ADAMTS10: variants seen among roughly 807,000 people sequenced by gnomAD.
ADAMTS10 encodes ADAM metallopeptidase with thrombospondin type 1 motif 10.
A neutral mutation model predicts 135.9 loss-of-function variants in ADAMTS10; 48 were observed. The ratio of observed to expected loss-of-function variants is 0.35; its 90% CI spans 0.28 to 0.45. The LOEUF (loss-of-function observed/expected upper bound fraction) is 0.45, where lower values mean the gene tolerates loss of function less well. Among genes scored for constraint, ADAMTS10 ranks in the 20% least tolerant of loss-of-function variants. ADAMTS10 has a pLI of 1.00. For missense variants in ADAMTS10, 1,131 were observed against 1,565.2 expected (o/e 0.72, Z 4.68); for synonymous variants, 621 against 647.5 (o/e 0.96, Z 0.62).
At chr19:8,592,564 G>A (rs1394365073) in intron 13 of ADAMTS10, among the ~76,000 whole-genome samples, 199 bp downstream of exon 13, 1 of 151,672 alleles carries the variant, frequency 6.6e-6, no homozygotes, top group East Asian at 1.9e-4. Flanking sequence ...CAGAACCAAG[G>A]GACGCATAGA....
chr19:8,580,854 G>A lies in ADAMTS10; in HGVS notation c.*39C>T, dbSNP rs1054859735. 6.6e-7 allele frequency: 1 copy of A among 1,517,204 alleles called. No individual in the cohort carries two copies. Among genetic ancestry groups the A allele is most frequent in the African/African-American group, 1.4e-5 (1 of 72,566 alleles). 94.0% of individuals were successfully genotyped at this position (1,517,204 alleles called of 1,614,324 possible). On this transcript the variant is annotated 3_prime_UTR_variant, in exon 26 of 26. Transcript: ENST00000597188. ...CCGGCCCGCTGCAGGGCTGGCGGCG[G>A]AGACCCCGCCAGCTGTGGCTCCGGG...
At chr19:8,604,056 A>C (rs1181065213) in intron 4 of ADAMTS10, among the ~76,000 whole-genome samples, 172 bp from the exon 5 acceptor site, 2 of 118,520 alleles carry the variant, frequency 1.7e-5, no homozygotes, top group Admixed American at 8.2e-5. Context: ...TTATTTATTT[A>C]TTTCTTCTTT....
chr19:8,586,286 C>G (rs1555737136), intron 21 of ADAMTS10, 35 bp from the exon 22 acceptor site: 2 of 1,613,252 alleles, frequency 1.2e-6, no homozygotes. Context: ...CTCAGCCCCT[C>G]CCGGCCCAGA....
chr19:8,597,463 TTG>T (rs2042618917), intron 6 of ADAMTS10, 146 bp from the exon 7 acceptor site: 5 of 733,734 alleles, frequency 6.8e-6, no homozygotes, highest in Non-Finnish European at 9.5e-6. Flanking sequence ...GGGTTTTTTG[TTG>T]CTGTTGTTGT....
intron 25 of ADAMTS10, chr19:8,582,792 G>C (rs1252642945): frequency 6.6e-6 from 1 of 152,068 alleles, no homozygotes; most frequent in Non-Finnish European, 1.5e-5. Context: ...TGGGATTACA[G>C]GCACATGCCA....
chr19:8,595,655 T>G, intron 12 of ADAMTS10, 107 bp downstream of exon 12: 59 of 1,528,040 alleles, frequency 3.9e-5, no homozygotes, highest in Non-Finnish European at 4.6e-5. Context: ...CCCTTCCCGG[T>G]TCTCCCACCC....
chr19:8,592,018 T>C lies in ADAMTS10; in HGVS notation c.1673A>G (p.Asp558Gly). 6.2e-7 allele frequency: 1 copy of C among 1,613,670 alleles called. No homozygotes were observed. The highest frequency in any genetic ancestry group is 8.5e-7 in the Non-Finnish European group (1 of 1,179,838). Residue 558 changes from aspartate (D) to glycine (G), a missense_variant, in exon 14 of 26, where the codon GAC becomes GGC. Around this residue, in one of 3 missense-constraint regions of ADAMTS10, gnomAD observed 745 missense variants for 1,056.3 expected, o/e 0.71. Transcript: ENST00000597188. ...GAWGPWTPWG[D>G]CSRTCGGGVS... is the part of the protein sequence containing the mutation. ...GCCGCCGCCACAGGTCCGGCTGCAG[T>C]CGCCCCATGGAGTCCACGGCCCCCA... is the stretch of plus-strand genomic sequence containing the variant.
intron 16 of ADAMTS10, 125 bp from the exon 17 acceptor site, chr19:8,589,710 G>A: frequency 6.6e-7 from 1 of 1,506,942 alleles, no homozygotes; most frequent in South Asian, 1.2e-5. Flanking sequence ...TTGGGCAGAG[G>A]GAGTGGGGGC....
At position 8,596,609 on chromosome 19, in the gene ADAMTS10, G is replaced by A. The variant is rs782666622; in HGVS notation, c.1041-24C>T. ...AGCTGTAAAAGGAGACAGGGTCAGT[G>A]AGGGGGCTGGGCTGTCTCCCTAAGC... is the stretch of plus-strand genomic sequence containing the variant. On this transcript the variant is annotated intron_variant, in intron 8 of 25. Coordinates refer to ENST00000597188, the MANE Select transcript of ADAMTS10 (RefSeq NM_030957.4). The surrounding 1 kb of genome is among the most constrained non-coding windows in gnomAD (Gnocchi z 7.2). 87 of 1,611,694 alleles carry A rather than the reference G, an allele frequency of 5.4e-5. 1 individual carries two copies. The Admixed American group carries it at 1.4e-3, about 27-fold the overall frequency.
chr19:8,580,684 G>A lies in ADAMTS10; in HGVS notation c.*209C>T, dbSNP rs1471058531. 34 of 564,638 alleles carry A rather than the reference G, an allele frequency of 6.0e-5. No homozygotes were observed. Among genetic ancestry groups the A allele is most frequent in the East Asian group, 3.0e-5 (1 of 33,350 alleles). 35.0% of individuals were successfully genotyped at this position (564,638 alleles called of 1,614,324 possible). A position where few individuals can be genotyped will look rare whatever the true frequency, so the allele number is the denominator to read the frequency against. On this transcript the variant is annotated 3_prime_UTR_variant, in exon 26 of 26. Transcript: ENST00000597188. The stretch of plus-strand genomic sequence containing the variant: ...GGGTCTCACTATGTGAACTGGAAGG[G>A]GCGGATGCTGAAGAGGGGCTCTGGG...
intron 22 of ADAMTS10, 32 bp downstream of exon 22, chr19:8,586,090 C>A: frequency 3.1e-6 from 5 of 1,612,016 alleles, no homozygotes; most frequent in Non-Finnish European, 4.2e-6. Context: ...CTCCTCTCAC[C>A]CTGAGCAACA....
Position 8,601,107 on chromosome 19 carries a change from T to C in ADAMTS10, c.631A>G (p.Thr211Ala). ...PWKGRPWWLRTLKPPPARPLG... is the reference protein window; with the variant it reads ...PWKGRPWWLRALKPPPARPLG... ...GGCCTGGCAGGCGGTGGCTTCAAGG[T>C]CCGCAGCCACCATGGCCGCCCTTTC... Residue 211 changes from threonine to alanine, a missense_variant, in exon 6 of 26, where the codon ACC becomes GCC. Thr to Ala is a moderately conservative substitution (Grantham distance 58). This residue lies in a region of ADAMTS10 where 306 missense variants were observed against 344.4 expected (regional missense o/e 0.89). Coordinates refer to ENST00000597188, the MANE Select transcript of ADAMTS10 (RefSeq NM_030957.4). This position sits in a 1 kb window ranked among gnomAD's most constrained non-coding sequence, Gnocchi z 4.6. 1 of 1,613,942 alleles carries C rather than the reference T, an allele frequency of 6.2e-7. No individual in the cohort carries two copies. The highest frequency in any genetic ancestry group is 8.5e-7 in the Non-Finnish European group (1 of 1,180,024).
Position 8,591,979 on chromosome 19 carries a change from C to G in ADAMTS10, c.1712G>C (p.Ser571Thr), listed in dbSNP as rs1191762524. 3 of 1,613,452 alleles carry G rather than the reference C, an allele frequency of 1.9e-6. No individual in the cohort carries two copies. Among genetic ancestry groups the G allele is most frequent in the Non-Finnish European group, 2.5e-6 (3 of 1,179,792 alleles). The change falls in exon 14 of 26, where the codon AGC becomes ACC. Residue 571 changes from serine to threonine, a missense_variant. Physicochemically the swap from Ser to Thr is moderately conservative, Grantham distance 58 (BLOSUM62 1). Around this residue, in one of 3 missense-constraint regions of ADAMTS10, gnomAD observed 745 missense variants for 1,056.3 expected, o/e 0.71. Transcript: ENST00000597188. ...TGACCTGGGGCTGTCGCAGTGACGGCTAGAAGAGGACACGCCGCCGCCACA... is the reference window on the plus strand; with the variant it reads ...TGACCTGGGGCTGTCGCAGTGACGGGTAGAAGAGGACACGCCGCCGCCACA... ...RTCGGGVSSS[S>T]RHCDSPRPTI...
rs2042715894 is a variant in ADAMTS10, at chr19:8,605,776, C to T, written c.-66G>A. The T allele has an allele frequency of 6.5e-7, 1 of 1,548,076 alleles. No homozygotes were observed. Among genetic ancestry groups the T allele is most frequent in the Non-Finnish European group, 8.7e-7 (1 of 1,151,008 alleles). ...CCGGCAGCCCCCACAGTGCCGCCTC[C>T]CCTGTTCACAGCCTTCGCAGCATCA... is the stretch of plus-strand genomic sequence containing the variant. On this transcript the variant is annotated 5_prime_UTR_variant, in exon 3 of 26. Transcript: ENST00000597188. This position sits in a 1 kb window ranked among gnomAD's most constrained non-coding sequence, Gnocchi z 7.7.
rs782594520 is a variant in ADAMTS10 at position 8,597,308 on chromosome 19, G to A, written c.820C>T (p.Leu274Phe). 1 of 1,613,912 alleles carries A rather than the reference G, an allele frequency of 6.2e-7. No homozygotes were observed. Among genetic ancestry groups the A allele is most frequent in the South Asian group, 1.1e-5 (1 of 91,020 alleles). ...VLAIMNIVAK[L>F]FQDSSLGSTV... ...CTTCCCAGACTCGAGTCCTGGAAAA[G>A]TTTGGCAACCTGACCTCCAAGAAAC... Residue 274 changes from leucine to phenylalanine, a missense_variant, in exon 7 of 26, where the codon CTT (leucine) becomes TTT (phenylalanine). Physicochemically the swap from Leu to Phe is conservative, Grantham distance 22. Transcript: ENST00000597188.
rs140455325 is a variant in ADAMTS10 at position 8,601,028 on chromosome 19, C to T, written c.710G>A (p.Arg237Gln). The change falls in exon 6 of 26, where the codon CGA becomes CAA. Residue 237 changes from arginine to glutamine, a missense_variant. Coordinates refer to ENST00000597188, the MANE Select transcript of ADAMTS10 (RefSeq NM_030957.4). The surrounding 1 kb of genome is among the most constrained non-coding windows in gnomAD (Gnocchi z 4.6). ...GQPGLKRSVS[R>Q]ERYVETLVVA... ...CACCAGGGTCTCCACGTAGCGCTCT[C>T]GGCTGACCGATCGCTTCAGGCCTGG... 25 of 1,614,060 alleles carry T rather than the reference C, an allele frequency of 1.5e-5. No homozygotes were observed. The highest frequency in any genetic ancestry group is 2.2e-5 in the East Asian group (1 of 44,890).
intron 25 of ADAMTS10, 174 bp from the exon 26 acceptor site, chr19:8,581,176 T>A (rs1423443266): frequency 9.5e-6 from 4 of 421,326 alleles, no homozygotes; most frequent in African/African-American, 8.8e-5. Flanking sequence ...GTTATCTTGC[T>A]ATGTTGACCA....
Position 8,586,485 on chromosome 19 carries a change from C to T in ADAMTS10, c.2404-15G>A, listed in dbSNP as rs374989871. ...CGGGCCAGCACCTGGAGAAAGGGGG[C>T]GGCAGCCAGTGGAAGGATCGCATGG... is the stretch of plus-strand genomic sequence containing the variant. On this transcript the variant is annotated splice_polypyrimidine_tract_variant and intron_variant, in intron 20 of 25. Coordinates refer to ENST00000597188, the MANE Select transcript of ADAMTS10 (RefSeq NM_030957.4). The T allele has an allele frequency of 9.9e-6, 16 of 1,613,086 alleles. No individual in the cohort carries two copies. Among genetic ancestry groups the T allele is most frequent in the Non-Finnish European group, 1.2e-5 (14 of 1,180,012 alleles).
chr19:8,590,081 G>T, intron 15 of ADAMTS10, 90 bp from the exon 16 acceptor site: 4 of 956,758 alleles, frequency 4.2e-6, no homozygotes, highest in East Asian at 2.4e-5. Flanking sequence ...GGCTGGAGGA[G>T]GGAGGCTAGA....
Sources: gnomAD v4.1 joint callset for allele counts (sites outside exome capture counted in the v4.1 genomes callset) on GRCh38, gnomAD v4.1.1 for gene constraint, gnomAD v4.1.1 regional missense constraint, Gnocchi (gnomAD v3.1) non-coding constraint, MANE v1.5 for transcripts, NCBI Gene and HGNC (gene_info 2026-07-23, HGNC 2026-07-21) for gene names.